Variants in CTPS1 observed in about 807,000 individuals in gnomAD.
The protein encoded by CTPS1 is CTP synthase 1.
In CTPS1, 25 loss-of-function variants were observed where a neutral mutation model predicts 80.5. That is an observed-to-expected ratio of 0.31 (90% CI 0.23 to 0.43). The LOEUF is 0.43. CTPS1 is among the 20% of genes least tolerant of loss of function. The pLI is 1.00. For missense variants in CTPS1, 442 were observed against 725.7 expected (o/e 0.61, Z 4.49); for synonymous variants, 267 against 252.5 (o/e 1.06, Z -0.54).
At position 41,007,594 on chromosome 1, in the gene CTPS1, A is replaced by G. The variant is rs1485990072; in HGVS notation, c.1393+49A>G. 1 of 1,522,770 alleles carries G rather than the reference A, an allele frequency of 6.6e-7. No homozygotes were observed. Among genetic ancestry groups the G allele is most frequent in the Admixed American group, 1.7e-5 (1 of 59,476 alleles). The allele number at this position is 1,522,770 out of a possible 1,614,324, so 94.3% of individuals were successfully genotyped here. ...CAGCCTTTGGCTCTGCGTGCCCAGGACGCGTGTCTTAGGGTGATGCTGTGG... is the reference window on the plus strand; with the variant it reads ...CAGCCTTTGGCTCTGCGTGCCCAGGGCGCGTGTCTTAGGGTGATGCTGTGG... On this transcript the variant is annotated intron_variant, in intron 14 of 18. Coordinates refer to ENST00000650070, the MANE Select transcript of CTPS1 (RefSeq NM_001905.4). The surrounding 1 kb of genome is among the most constrained non-coding windows in gnomAD (Gnocchi z 4.4).
intron 8 of CTPS1, 114 bp downstream of exon 8, chr1:40,996,182 A>G (rs1208448226): frequency 1.8e-6 from 2 of 1,112,298 alleles, no homozygotes; most frequent in Admixed American, 2.1e-5. Context: ...CCATCCACTC[A>G]TTAGAAGAGC....
In CTPS1 at chr1:41,006,111, A is replaced by G; in HGVS notation, c.1296+17A>G. The G allele has an allele frequency of 6.2e-7, 1 of 1,608,610 alleles. No homozygotes were observed. The highest frequency in any genetic ancestry group is 1.1e-5 in the South Asian group (1 of 90,936). On this transcript the variant is annotated intron_variant, in intron 13 of 18. Coordinates refer to ENST00000650070, the MANE Select transcript of CTPS1 (RefSeq NM_001905.4). ...CATCCCGTGGTGAGTCAAGTGTTTG[A>G]ACCTCCACAGGGCTTAGAAGGGTGT...
chr1:40,991,707 A>C, intron 6 of CTPS1, 58 bp from the exon 7 acceptor site: 4 of 1,214,674 alleles, frequency 3.3e-6, no homozygotes, highest in Non-Finnish European at 3.6e-6. Context: ...AGTCAGGAGA[A>C]ACCCCTACTT....
In CTPS1 at chr1:41,007,517, C is replaced by A; in HGVS notation, c.1365C>A (p.Thr455=). The change falls in exon 14 of 19, where the codon ACC becomes ACA. Residue 455 remains threonine, a synonymous_variant. Coordinates refer to ENST00000650070, the MANE Select transcript of CTPS1 (RefSeq NM_001905.4). This position sits in a 1 kb window ranked among gnomAD's most constrained non-coding sequence, Gnocchi z 4.4. ...GGTMRLGKRR[T]LFQTKNSVMR... is the part of the protein sequence containing the mutation. ...CCATGAGGCTGGGCAAGAGGAGAACCCTGTTCCAGACCAAGAACTCAGTCA... is the reference window on the plus strand; with the variant it reads ...CCATGAGGCTGGGCAAGAGGAGAACACTGTTCCAGACCAAGAACTCAGTCA... 6.2e-7 allele frequency: 1 copy of A among 1,614,096 alleles called. No homozygotes were observed.
In CTPS1 at chr1:41,007,934, A is replaced by G. The variant is rs1032875103; in HGVS notation, c.1393+389A>G. Among the ~76,000 whole-genome samples the G allele has an allele frequency of 1.3e-5, 2 of 152,272 alleles. No homozygotes were observed. The highest frequency in any genetic ancestry group is 4.8e-5 in the African/African-American group (2 of 41,472). On this transcript the variant is annotated intron_variant, in intron 14 of 18. Coordinates refer to ENST00000650070, the MANE Select transcript of CTPS1 (RefSeq NM_001905.4). The surrounding 1 kb of genome is among the most constrained non-coding windows in gnomAD (Gnocchi z 4.4). ...GCCTAAGTAGATTCTGTTCTAATAA[A>G]GTACTAATAGATGCTGAAGGTTTAG...
intron 4 of CTPS1, chr1:40,988,362 G>T: frequency 5.8e-6 from 2 of 342,332 alleles, no homozygotes; most frequent in Non-Finnish European, 1.1e-5. Flanking sequence ...TTGAAATGAT[G>T]TGGAAAGTTC....
chr1:40,981,844 A>T (rs1642308949), intron 1 of CTPS1: 1 of 390,798 alleles, frequency 2.6e-6, no homozygotes, highest in African/African-American at 2.2e-5. Context: ...CTTCCCTGCC[A>T]AGTGTGTTCT....
Position 41,008,708 on chromosome 1 carries a change from A to G in CTPS1, c.1443A>G (p.Arg481=). ...ACTTGGAAGAGAGGCACCGCCACCG[A>G]TTTGAGGTGAGGATTCCAGCTTGCT... ...ADYLEERHRH[R]FEVNPVWKKC... is the part of the protein sequence containing the mutation. Residue 481 remains arginine (R), a synonymous_variant, in exon 15 of 19, where the codon CGA becomes CGG. Transcript: ENST00000650070. 1 of 1,614,170 alleles carries G rather than the reference A, an allele frequency of 6.2e-7. No homozygotes were observed.
chr1:41,002,378 C>G, intron 11 of CTPS1, 124 bp downstream of exon 11: 2 of 740,990 alleles, frequency 2.7e-6, no homozygotes, highest in South Asian at 1.6e-5. Context: ...GATAGGAGCT[C>G]AAGTAGAAGC....
chr1:40,996,042 G>A lies in CTPS1; in HGVS notation c.846G>A (p.Leu282=). The change falls in exon 8 of 19, where the codon CTG becomes CTA. Residue 282 remains leucine (L), a synonymous_variant. Transcript: ENST00000650070. ...TTGAGAGGCAGCCAAGAAAAATGCT[G>A]ATGAAATGGAAAGAGATGGCTGACA... is the stretch of plus-strand genomic sequence containing the variant. The part of the protein sequence containing the change: ...LPIERQPRKM[L]MKWKEMADRY... The A allele has an allele frequency of 6.2e-7, 1 of 1,614,166 alleles. No homozygotes were observed. Among genetic ancestry groups the A allele is most frequent in the Middle Eastern group, 1.6e-4 (1 of 6,062 alleles).
intron 18 of CTPS1, 41 bp from the exon 19 acceptor site, chr1:41,011,617 G>A (rs2148423407): frequency 6.6e-6 from 1 of 152,146 alleles, no homozygotes; most frequent in South Asian, 2.1e-4. Flanking sequence ...CTACTTTAAT[G>A]TACATCATAT....
At chr1:41,005,257 C>A (rs896399517) in intron 12 of CTPS1, among the ~76,000 whole-genome samples, 2 of 151,840 alleles carry the variant, frequency 1.3e-5, no homozygotes, top group African/African-American at 4.8e-5. Flanking sequence ...CCAGCCTGAC[C>A]AACATGGAGA....
In CTPS1 at chr1:40,987,339, G is replaced by A. The variant is rs150745451; in HGVS notation, c.338-33G>A. 84 of 1,493,648 alleles carry A rather than the reference G, an allele frequency of 5.6e-5. No individual in the cohort carries two copies. The African/African-American group carries it at 1.0e-3, about 18-fold the overall frequency. 92.5% of individuals were successfully genotyped at this position (1,493,648 alleles called of 1,614,324 possible). A position where few individuals can be genotyped will look rare whatever the true frequency, so the allele number is the denominator to read the frequency against. On this transcript the variant is annotated intron_variant, in intron 3 of 18. Coordinates refer to ENST00000650070, the MANE Select transcript of CTPS1 (RefSeq NM_001905.4). ...TGTCTCAATCAATGTAGATGGACAA[G>A]CGTAAGTTCCCTGTTTGTTTTCTTT...
At position 41,000,772 on chromosome 1, in the gene CTPS1, T is replaced by C. The variant is rs1238042016; in HGVS notation, c.1006-257T>C. On this transcript the variant is annotated intron_variant, in intron 9 of 18. Coordinates refer to ENST00000650070, the MANE Select transcript of CTPS1 (RefSeq NM_001905.4). ...AGCTGAGACCCGATCCTGAACACAG[T>C]AGAGTGCAGAAAGAGAGAGATTTGG... is the stretch of plus-strand genomic sequence containing the variant. 3.2e-5 allele frequency: 7 copies of C among 220,870 alleles called. No homozygotes were observed. In the East Asian group the frequency reaches 6.3e-4, roughly 20 times the overall value. 13.7% of individuals were successfully genotyped at this position (220,870 alleles called of 1,614,324 possible).
rs140927086 is a variant in CTPS1 at position 40,990,080 on chromosome 1, C to A, written c.556-1085C>A. 5.9e-5 allele frequency among the ~76,000 whole-genome samples: 9 copies of A among 152,238 alleles called. No homozygotes were observed. In the East Asian group the frequency reaches 1.2e-3, roughly 20 times the overall value. On this transcript the variant is annotated intron_variant, in intron 5 of 18. Coordinates refer to ENST00000650070, the MANE Select transcript of CTPS1 (RefSeq NM_001905.4). ...TATGGGCCACATGAACCTACCCCCCCGTATTTGGAAATCAAGTTTATGGAA... is the reference window on the plus strand; with the variant it reads ...TATGGGCCACATGAACCTACCCCCCAGTATTTGGAAATCAAGTTTATGGAA...
chr1:41,006,594 C>T (rs1375262549), intron 13 of CTPS1, among the ~76,000 whole-genome samples: 1 of 152,120 alleles, frequency 6.6e-6, no homozygotes. Context: ...GATTTCATGC[C>T]GAGGGCATGT....
At chr1:40,990,360 A>G (rs12743340) in intron 5 of CTPS1, among the ~76,000 whole-genome samples, 19,584 of 152,186 alleles carry the variant, frequency 0.13, 1,483 homozygotes, top group East Asian at 0.27. Context: ...AAGGCATATT[A>G]TTGTGAAGGT....
At chr1:40,989,770 G>A (rs189948503) in intron 5 of CTPS1, among the ~76,000 whole-genome samples, 6 of 152,266 alleles carry the variant, frequency 3.9e-5, no homozygotes, top group Admixed American at 1.3e-4. Flanking sequence ...AGCTATATCC[G>A]TTAGGTAAGA....
chr1:41,003,280 C>A, intron 12 of CTPS1, 104 bp downstream of exon 12: 1 of 1,271,814 alleles, frequency 7.9e-7, no homozygotes, highest in Non-Finnish European at 1.1e-6. Context: ...GAAGGGCAGG[C>A]CTGGGTTCCT....
Sources: gnomAD v4.1 joint callset for allele counts (sites outside exome capture counted in the v4.1 genomes callset) on GRCh38, gnomAD v4.1.1 for gene constraint, Gnocchi (gnomAD v3.1) non-coding constraint, MANE v1.5 for transcripts, NCBI Gene and HGNC (gene_info 2026-07-23, HGNC 2026-07-21) for gene names.